ANKRD62: variants seen among roughly 807,000 people sequenced by gnomAD.
The protein encoded by ANKRD62 is ankyrin repeat domain 62.
ANKRD62 carries 61 observed loss-of-function variants against 98.8 expected under a neutral mutation model. That is an observed-to-expected ratio of 0.62 (90% confidence interval 0.50 to 0.76). ANKRD62 has a LOEUF of 0.76. Ranked by LOEUF, ANKRD62 falls within the 30% of genes least tolerant of loss-of-function variation. ANKRD62 has a pLI of 0.00. For missense variants in ANKRD62, 933 were observed against 1,082.9 expected, an observed-to-expected ratio of 0.86 and a Z score of 1.94; for synonymous variants, 341 against 367.9, an observed-to-expected ratio of 0.93 and a Z score of 0.84.
chr18:12,170,569 G>A, the ANKRD62 span, among the ~76,000 whole-genome samples: 1,534 of 152,202 alleles, frequency 0.01, 15 homozygotes, highest in Non-Finnish European at 0.016. Flanking sequence ...CAATTTTGGA[G>A]TAAGTGCAAT....
the ANKRD62 span, among the ~76,000 whole-genome samples, chr18:12,176,268 C>A: frequency 6.6e-6 from 1 of 150,738 alleles, no homozygotes; most frequent in Non-Finnish European, 1.5e-5. Flanking sequence ...AGCATGCACC[C>A]AAATTGAGTA....
chr18:12,135,619 C>G, the ANKRD62 span, among the ~76,000 whole-genome samples: 1 of 151,636 alleles, frequency 6.6e-6, no homozygotes, highest in Admixed American at 6.5e-5. Flanking sequence ...AATCGCCACA[C>G]TGACTTCCAC....
intron 8 of ANKRD62, 107 bp from the exon 9 acceptor site, chr18:12,114,977 AAGAG>A (rs1270794311): frequency 9.3e-6 from 8 of 856,024 alleles, no homozygotes; most frequent in African/African-American, 7.0e-5. Flanking sequence ...CATTATAAAT[AAGAG>A]AGAGAAACTA....
chr18:12,159,917 T>A, the ANKRD62 span, among the ~76,000 whole-genome samples: 1 of 152,132 alleles, frequency 6.6e-6, no homozygotes, highest in Non-Finnish European at 1.5e-5. Context: ...AATTATTTTA[T>A]GCTTTCACCC....
chr18:12,158,147 C>A, the ANKRD62 span, among the ~76,000 whole-genome samples: 1 of 152,166 alleles, frequency 6.6e-6, no homozygotes, highest in Admixed American at 6.5e-5. Context: ...CAGAGACAGG[C>A]CTAGGTCTAT....
chr18:12,137,435 C>T, the ANKRD62 span, among the ~76,000 whole-genome samples: 2 of 152,290 alleles, frequency 1.3e-5, no homozygotes, highest in South Asian at 2.1e-4. Flanking sequence ...TGATGTGTTG[C>T]TGGATTCGGT....
chr18:12,125,392 GT>G, intron 12 of ANKRD62, 67 bp from the exon 13 acceptor site: 1 of 1,344,068 alleles, frequency 7.4e-7, no homozygotes, highest in Admixed American at 3.1e-5. Context: ...TACTTATTTA[GT>G]TTCAGAAGAA....
intron 10 of ANKRD62, among the ~76,000 whole-genome samples, chr18:12,121,213 G>A (rs1368329154): frequency 2.0e-5 from 3 of 152,086 alleles, no homozygotes; most frequent in South Asian, 4.2e-4. Flanking sequence ...TTATTGTCTC[G>A]AGCTTTGTTT....
At chr18:12,135,123 T>C in the ANKRD62 span, among the ~76,000 whole-genome samples, 1 of 150,614 alleles carries the variant, frequency 6.6e-6, no homozygotes, top group Non-Finnish European at 1.5e-5. Context: ...ACGTGTGCCA[T>C]GTTGGTGTGC....
At chr18:12,095,040 C>A in intron 1 of ANKRD62, 131 bp from the exon 2 acceptor site, 1 of 754,498 alleles carries the variant, frequency 1.3e-6, no homozygotes. Context: ...TGCCTTTCTT[C>A]ACAAGAAAAG....
chr18:12,140,295 T>C, the ANKRD62 span, among the ~76,000 whole-genome samples: 4 of 152,196 alleles, frequency 2.6e-5, no homozygotes, highest in Non-Finnish European at 4.4e-5. Context: ...GGTTCAAACT[T>C]CCTCCTGTAG....
At chr18:12,114,596 A>G (rs908730667) in intron 8 of ANKRD62, among the ~76,000 whole-genome samples, 1 of 152,146 alleles carries the variant, frequency 6.6e-6, no homozygotes, top group Non-Finnish European at 1.5e-5. Context: ...GAGGATTTAA[A>G]TGACTTAAAT....
chr18:12,167,049 G>T, the ANKRD62 span, among the ~76,000 whole-genome samples: 1 of 151,982 alleles, frequency 6.6e-6, no homozygotes, highest in Middle Eastern at 3.4e-3. Flanking sequence ...CAAAGGACAT[G>T]AACTCATCTT....
At chr18:12,103,392 C>A (rs1463363231) in intron 7 of ANKRD62, among the ~76,000 whole-genome samples, 164 bp downstream of exon 7, 1 of 152,026 alleles carries the variant, frequency 6.6e-6, no homozygotes, top group Non-Finnish European at 1.5e-5. Context: ...TTCTAAGAAT[C>A]TACAGTGATT....
At chr18:12,111,261 A>G (rs1909532468) in intron 8 of ANKRD62, among the ~76,000 whole-genome samples, 1 of 151,844 alleles carries the variant, frequency 6.6e-6, no homozygotes, top group South Asian at 2.1e-4. Context: ...AAAAAAAAAA[A>G]AGATCAATAA....
chr18:12,153,282 A>T, the ANKRD62 span, among the ~76,000 whole-genome samples: 1 of 152,140 alleles, frequency 6.6e-6, no homozygotes, highest in Non-Finnish European at 1.5e-5. Context: ...ACTACTAATG[A>T]TATTCTTTGC....
chr18:12,172,725 G>C, the ANKRD62 span, among the ~76,000 whole-genome samples: 2 of 152,172 alleles, frequency 1.3e-5, no homozygotes, highest in Non-Finnish European at 1.5e-5. Context: ...ACAGAGGCAG[G>C]CAGGCCTCCT....
intron 11 of ANKRD62, among the ~76,000 whole-genome samples, chr18:12,123,036 TTTTG>T (rs1555652634): frequency 2.6e-5 from 4 of 151,362 alleles, no homozygotes; most frequent in Admixed American, 6.6e-5. Flanking sequence ...AACCAGTTTT[TTTTG>T]TTTGTTTGTT....
chr18:12,177,269 G>A, the ANKRD62 span, among the ~76,000 whole-genome samples: 1 of 152,262 alleles, frequency 6.6e-6, no homozygotes, highest in African/African-American at 2.4e-5. Context: ...GAGGAACAGA[G>A]GATGATGTTC....
Sources: gnomAD v4.1 joint callset for allele counts (sites outside exome capture counted in the v4.1 genomes callset) on GRCh38, gnomAD v4.1.1 for gene constraint, MANE v1.5 for transcripts, NCBI Gene and HGNC (gene_info 2026-07-23, HGNC 2026-07-21) for gene names.